Variants in GPC3 observed in about 807,000 individuals in gnomAD.
GPC3 encodes glypican-3.
Under a neutral mutation model 34.4 loss-of-function variants are expected in GPC3, and 3 were observed. That is an observed-to-expected ratio of 0.09 (90% CI 0.04 to 0.23). The LOEUF (loss-of-function observed/expected upper bound fraction) is 0.23. Among genes scored for constraint, GPC3 ranks in the 10% least tolerant of loss-of-function variants. The probability of loss-of-function intolerance (pLI) is 1.00; values close to 1 mark genes in which losing one functional copy is unlikely to be tolerated. For synonymous variants in GPC3, 177 were observed against 174.0 expected (o/e 1.02, Z -0.13); for missense variants, 351 against 445.6 (o/e 0.79, Z 1.91).
At chrX:133,915,580 G>A (rs143947429) in intron 2 of GPC3, among the ~76,000 whole-genome samples, 42 of 112,482 alleles carry the variant, frequency 3.7e-4, no homozygotes, top group Admixed American at 1.6e-3. Context: ...CATACATTAT[G>A]TTTGGTCATC....
intron 2 of GPC3, among the ~76,000 whole-genome samples, chrX:133,852,390 A>C (rs2075878001): frequency 8.9e-6 from 1 of 111,987 alleles, no homozygotes; most frequent in Admixed American, 9.5e-5. Flanking sequence ...AACATTGTTT[A>C]GACAACTAGG....
intron 6 of GPC3, among the ~76,000 whole-genome samples, chrX:133,606,569 A>C (rs1802976794): frequency 1.8e-5 from 2 of 111,390 alleles, no homozygotes; most frequent in South Asian, 7.7e-4. Context: ...CTACAGGTGC[A>C]TGCCACCATG....
chrX:133,762,931 A>G, intron 2 of GPC3: 6 of 565,904 alleles, frequency 1.1e-5, no homozygotes, highest in South Asian at 6.7e-5. Context: ...AAGTGATGGC[A>G]TCTACATCCT....
At chrX:133,694,370 G>A (rs950248912) in intron 4 of GPC3, among the ~76,000 whole-genome samples, 7 of 110,450 alleles carry the variant, frequency 6.3e-5, no homozygotes, top group African/African-American at 2.3e-4. Flanking sequence ...GCCTACCCCT[G>A]GTGTCTGAGC....
chrX:133,616,236 T>A (rs1240881140), intron 6 of GPC3, among the ~76,000 whole-genome samples: 1 of 112,191 alleles, frequency 8.9e-6, no homozygotes, highest in African/African-American at 3.2e-5. Context: ...AGACTAACAA[T>A]GAACACTCTA....
At chrX:133,795,943 C>CTTT (rs753300332) in intron 2 of GPC3, among the ~76,000 whole-genome samples, 10 of 84,934 alleles carry the variant, frequency 1.2e-4, no homozygotes, top group South Asian at 1.1e-3. Context: ...TTTCTTTTTC[C>CTTT]TTTTTTTTTT....
intron 3 of GPC3, among the ~76,000 whole-genome samples, chrX:133,710,789 A>G (rs1167062460): frequency 8.9e-6 from 1 of 112,038 alleles, no homozygotes; most frequent in Non-Finnish European, 1.9e-5. Context: ...CCTTATGTAG[A>G]AGAGACTTAT....
chrX:133,955,271 G>T (rs1452740119), intron 1 of GPC3, among the ~76,000 whole-genome samples: 4 of 111,027 alleles, frequency 3.6e-5, no homozygotes, highest in African/African-American at 9.8e-5. Context: ...GCTCACAGGG[G>T]ACTTTGGCTT....
chrX:133,733,290 G>A (rs2071479787), intron 3 of GPC3, among the ~76,000 whole-genome samples: 1 of 110,294 alleles, frequency 9.1e-6, no homozygotes, highest in Non-Finnish European at 1.9e-5. Flanking sequence ...CTCAGAAGGG[G>A]GAGGGTGAAA....
intron 2 of GPC3, among the ~76,000 whole-genome samples, chrX:133,840,528 T>C (rs1306866656): frequency 2.7e-5 from 3 of 111,222 alleles, no homozygotes; most frequent in Non-Finnish European, 3.8e-5. Flanking sequence ...TTAAATGAGA[T>C]AATGCATACA....
chrX:133,904,712 T>A (rs900879631), intron 2 of GPC3, among the ~76,000 whole-genome samples: 3 of 111,927 alleles, frequency 2.7e-5, no homozygotes, highest in African/African-American at 9.7e-5. Flanking sequence ...CTGGTTCAAG[T>A]CTAGTTTATC....
intron 2 of GPC3, among the ~76,000 whole-genome samples, chrX:133,828,589 T>G (rs1287806555): frequency 8.9e-6 from 1 of 111,988 alleles, no homozygotes; most frequent in African/African-American, 3.3e-5. Flanking sequence ...TGGGAATTTA[T>G]TAAAGTCTCC....
chrX:133,847,910 G>C (rs919563827), intron 2 of GPC3, among the ~76,000 whole-genome samples: 3 of 112,177 alleles, frequency 2.7e-5, no homozygotes, highest in Non-Finnish European at 5.6e-5. Flanking sequence ...ATTTAGAAGA[G>C]ACAAAAGAAC....
intron 2 of GPC3, among the ~76,000 whole-genome samples, chrX:133,805,781 C>T (rs1238059586): frequency 9.0e-6 from 1 of 111,598 alleles, no homozygotes; most frequent in African/African-American, 3.3e-5. Flanking sequence ...CATAGCAGGC[C>T]CTGTATAAAT....
At chrX:133,683,477 G>A (rs2070966380) in intron 5 of GPC3, among the ~76,000 whole-genome samples, 1 of 111,865 alleles carries the variant, frequency 8.9e-6, no homozygotes, top group South Asian at 3.8e-4. Context: ...TTGAGGGTGT[G>A]GATATGCTGG....
rs756520330 is a variant in GPC3 at position 133,798,886 on chromosome X, G to A, written c.338-44710C>T. On this transcript the variant is annotated intron_variant, in intron 2 of 7. Coordinates refer to ENST00000370818, the MANE Select transcript of GPC3 (RefSeq NM_004484.4). ...ACAAAAGGGTACTAGAAAGGGTAGT[G>A]GACATTTGTGTTTTGCCTCACGTCA... 2.7e-5 allele frequency among the ~76,000 whole-genome samples: 3 copies of A among 111,867 alleles called. No homozygotes were observed. The South Asian group carries it at 1.1e-3, about 43-fold the overall frequency.
intron 2 of GPC3, among the ~76,000 whole-genome samples, chrX:133,878,436 A>G (rs1603264804): frequency 1.8e-5 from 2 of 111,788 alleles, no homozygotes; most frequent in East Asian, 5.6e-4. Flanking sequence ...TCAAAAAAAA[A>G]AAATCATATT....
At chrX:133,800,241 T>C (rs2075602570) in intron 2 of GPC3, among the ~76,000 whole-genome samples, 1 of 112,524 alleles carries the variant, frequency 8.9e-6, no homozygotes, top group African/African-American at 3.2e-5. Flanking sequence ...TGGAAGACTA[T>C]TTTGGCTTTA....
intron 6 of GPC3, among the ~76,000 whole-genome samples, chrX:133,627,150 A>T (rs1188879599): frequency 7.8e-5 from 6 of 76,607 alleles, no homozygotes; most frequent in African/African-American, 1.1e-4. Context: ...AACATCACAC[A>T]CTGAGGCCTG....
Sources: allele counts gnomAD v4.1 joint callset (sites outside exome capture counted in the v4.1 genomes callset), GRCh38; gene constraint gnomAD v4.1.1; transcripts MANE v1.5; gene names NCBI Gene and HGNC (gene_info 2026-07-23, HGNC 2026-07-21).